EMID1: variants seen among roughly 807,000 people sequenced by gnomAD.
EMID1 encodes EMI domain-containing protein 1.
EMID1 carries 40 observed loss-of-function variants against 60.6 expected under a neutral mutation model. The observed-to-expected ratio is 0.66, with a 90% CI of 0.51 to 0.86. The LOEUF (loss-of-function observed/expected upper bound fraction) is 0.86, where lower values mean the gene tolerates loss of function less well. EMID1 is among the 40% of genes least tolerant of loss of function. The pLI is 0.00. For synonymous variants in EMID1, 242 were observed against 231.0 expected (o/e 1.05, Z -0.43); for missense variants, 585 against 597.1 (o/e 0.98, Z 0.21).
At position 29,254,292 on chromosome 22, in the gene EMID1, G is replaced by A; in HGVS notation, c.1204+5G>A. On this transcript the variant is annotated splice_donor_5th_base_variant and intron_variant, in intron 14 of 14. Transcript: ENST00000334018. ...AAACAATGATTGGGCTCTATGGTGA[G>A]TAGAGACAGACAGACGGACAGACGG... 6.2e-7 allele frequency: 1 copy of A among 1,613,262 alleles called. No homozygotes were observed. Among genetic ancestry groups the A allele is most frequent in the Non-Finnish European group, 8.5e-7 (1 of 1,179,194 alleles).
At chr22:29,211,874 A>C (rs1568966713) in intron 1 of EMID1, among the ~76,000 whole-genome samples, 1 of 152,198 alleles carries the variant, frequency 6.6e-6, no homozygotes, top group African/African-American at 2.4e-5. Flanking sequence ...CTTAACCTGT[A>C]CACCAAGTTT....
chr22:29,254,292 G>T lies in EMID1; in HGVS notation c.1204+5G>T. 1 of 1,613,262 alleles carries T rather than the reference G, an allele frequency of 6.2e-7. No homozygotes were observed. Among genetic ancestry groups the T allele is most frequent in the Non-Finnish European group, 8.5e-7 (1 of 1,179,194 alleles). On this transcript the variant is annotated splice_donor_5th_base_variant and intron_variant, in intron 14 of 14. Transcript: ENST00000334018. ...AAACAATGATTGGGCTCTATGGTGA[G>T]TAGAGACAGACAGACGGACAGACGG... is the stretch of plus-strand genomic sequence containing the variant.
chr22:29,225,272 G>A, intron 4 of EMID1, 56 bp downstream of exon 4: 4 of 1,583,586 alleles, frequency 2.5e-6, no homozygotes, highest in East Asian at 2.2e-5. Context: ...CCCTGGAGGG[G>A]GCTCAGGGCA....
At chr22:29,206,889 A>G (rs1188941019) in intron 1 of EMID1, among the ~76,000 whole-genome samples, 4 of 152,234 alleles carry the variant, frequency 2.6e-5, no homozygotes, top group Non-Finnish European at 4.4e-5. Context: ...CTCATGGGCT[A>G]TTCACTGAAG....
intron 6 of EMID1, 112 bp from the exon 7 acceptor site, chr22:29,231,481 G>T: frequency 8.6e-7 from 1 of 1,163,072 alleles, no homozygotes; most frequent in Non-Finnish European, 1.3e-6. Flanking sequence ...CATAGAGAGT[G>T]TGAGGGTCCC....
At chr22:29,208,039 G>A (rs895727813) in intron 1 of EMID1, among the ~76,000 whole-genome samples, 1 of 152,180 alleles carries the variant, frequency 6.6e-6, no homozygotes, top group South Asian at 2.1e-4. Context: ...TTCTTTCCTC[G>A]TGGGAAGGAC....
Position 29,224,007 on chromosome 22 carries a change from G to C in EMID1, c.320-1126G>C, listed in dbSNP as rs368081550. On this transcript the variant is annotated intron_variant, in intron 3 of 14. Transcript: ENST00000334018. ...CAGGGAGTCCCCAGTGCCGGCCCCA[G>C]TCCTGGGCTGGCAACCCACCTTCCT... Among the ~76,000 whole-genome samples the C allele has an allele frequency of 4.9e-4, 74 of 152,332 alleles. 2 individuals carry two copies. The highest frequency in any genetic ancestry group is 1.8e-3 in the African/African-American group (73 of 41,578).
At chr22:29,240,700 C>T (rs960981882) in intron 12 of EMID1, among the ~76,000 whole-genome samples, 7 of 152,220 alleles carry the variant, frequency 4.6e-5, no homozygotes, top group Non-Finnish European at 8.8e-5. Flanking sequence ...GCGCTTGACG[C>T]ATCGCATTCT....
At chr22:29,245,057 C>T (rs914849831) in intron 13 of EMID1, among the ~76,000 whole-genome samples, 10 of 148,144 alleles carry the variant, frequency 6.8e-5, no homozygotes, top group Admixed American at 2.0e-4. Flanking sequence ...TGGATACAGC[C>T]GTGGGAGCCC....
rs80254611 is a variant in EMID1 at position 29,224,795 on chromosome 22, G to C, written c.320-338G>C. Among the ~76,000 whole-genome samples, 324 of 152,356 alleles carry C rather than the reference G, an allele frequency of 2.1e-3. 2 individuals are homozygous for C. Among genetic ancestry groups the C allele is most frequent in the African/African-American group, 7.4e-3 (307 of 41,586 alleles). Reference sequence around the variant, plus strand: ...GGGAAAATAAGTCCAGAGAGGACAAGTCATGCAGGGCAGTAAGTGTCAGGG... The same window carrying C: ...GGGAAAATAAGTCCAGAGAGGACAACTCATGCAGGGCAGTAAGTGTCAGGG... On this transcript the variant is annotated intron_variant, in intron 3 of 14. Transcript: ENST00000334018.
chr22:29,224,134 G>A (rs1037776605), intron 3 of EMID1, among the ~76,000 whole-genome samples: 6 of 152,220 alleles, frequency 3.9e-5, no homozygotes, highest in African/African-American at 9.6e-5. Context: ...GCCCCACAAT[G>A]GGACCCAGAG....
At chr22:29,243,620 G>C in intron 13 of EMID1, 131 bp downstream of exon 13, 2 of 1,093,442 alleles carry the variant, frequency 1.8e-6, no homozygotes, top group Non-Finnish European at 2.7e-6. Flanking sequence ...TGGTCTCCCA[G>C]GCAGGAGCCT....
intron 14 of EMID1, 169 bp downstream of exon 14, chr22:29,254,456 G>A (rs1211722202): frequency 3.0e-6 from 2 of 658,712 alleles, no homozygotes; most frequent in South Asian, 1.8e-5. Flanking sequence ...TCAATGACTG[G>A]TTCCCTCCTC....
intron 1 of EMID1, among the ~76,000 whole-genome samples, chr22:29,214,467 G>C (rs1009029789): frequency 6.6e-6 from 1 of 152,156 alleles, no homozygotes; most frequent in Non-Finnish European, 1.5e-5. Flanking sequence ...TTGGGGAGTT[G>C]GGTAGGCAAG....
chr22:29,210,329 C>T (rs1041451225), intron 1 of EMID1, among the ~76,000 whole-genome samples: 1 of 150,866 alleles, frequency 6.6e-6, no homozygotes, highest in Non-Finnish European at 1.5e-5. Context: ...TCTTGGCTCA[C>T]CGCAATCTCT....
chr22:29,226,263 C>T (rs558429187), intron 4 of EMID1, among the ~76,000 whole-genome samples: 5 of 152,268 alleles, frequency 3.3e-5, no homozygotes, highest in South Asian at 2.1e-4. Context: ...GTCCTGCTGC[C>T]GGAGAAGCAG....
intron 13 of EMID1, among the ~76,000 whole-genome samples, chr22:29,248,102 G>A (rs184016977): frequency 3.3e-5 from 5 of 150,794 alleles, no homozygotes; most frequent in South Asian, 2.1e-4. Context: ...ACAGGTGAAC[G>A]CCACGATGCC....
At chr22:29,221,126 G>GTGT (rs1252917426) in intron 3 of EMID1, among the ~76,000 whole-genome samples, 6 of 119,202 alleles carry the variant, frequency 5.0e-5, no homozygotes, top group African/African-American at 1.0e-4. Flanking sequence ...TGTGTGTGTA[G>GTGT]GGCACGTGAG....
At chr22:29,241,561 G>T (rs2041154422) in intron 12 of EMID1, among the ~76,000 whole-genome samples, 1 of 149,104 alleles carries the variant, frequency 6.7e-6, no homozygotes, top group Admixed American at 6.6e-5. Context: ...GCTAATTTTT[G>T]TATTTTTAGT....
Sources: allele counts gnomAD v4.1 joint callset (sites outside exome capture counted in the v4.1 genomes callset), GRCh38; gene constraint gnomAD v4.1.1; transcripts MANE v1.5; gene names NCBI Gene and HGNC (gene_info 2026-07-23, HGNC 2026-07-21).